Variants in NALF1 observed in about 807,000 individuals in gnomAD.
NALF1 encodes the protein NALCN channel auxiliary factor 1, also known as family with sequence similarity 155 member A.
A neutral mutation model predicts 48.4 loss-of-function variants in NALF1; 3 were observed. The observed-to-expected ratio is 0.06, with a 90% CI of 0.03 to 0.16. NALF1 has a LOEUF of 0.16. Ranked by LOEUF, NALF1 falls within the 10% of genes least tolerant of loss-of-function variation. The pLI is 1.00. For missense variants in NALF1, 526 were observed against 571.5 expected (o/e 0.92, Z 0.81); for synonymous variants, 262 against 245.7 (o/e 1.07, Z -0.62).
At chr13:107,351,732 AC>A (rs1481087149) in intron 1 of NALF1, among the ~76,000 whole-genome samples, 1 of 152,214 alleles carries the variant, frequency 6.6e-6, no homozygotes, top group Non-Finnish European at 1.5e-5. Context: ...TCCCGAATAA[AC>A]TCAACATATT....
At chr13:107,759,920 G>A (rs1049093494) in intron 1 of NALF1, among the ~76,000 whole-genome samples, 54 of 152,166 alleles carry the variant, frequency 3.5e-4, no homozygotes, top group African/African-American at 1.3e-3. Context: ...TTCAGGGTAC[G>A]TGAAACCAGA....
chr13:107,795,968 A>G (rs1878409963), intron 1 of NALF1, among the ~76,000 whole-genome samples: 1 of 152,148 alleles, frequency 6.6e-6, no homozygotes, highest in Admixed American at 6.5e-5. Context: ...ATCACAGCAG[A>G]TTGAATACTA....
Position 107,241,000 on chromosome 13 carries a change from G to A in NALF1, c.916-30245C>T, listed in dbSNP as rs577805481. ...AGGCTGAAGTGGGCAGATCACCTGA[G>A]GTCAGGAGTTTGAGACCAGCCTGGC... On this transcript the variant is annotated intron_variant, in intron 1 of 2. Transcript: ENST00000375915. Among the ~76,000 whole-genome samples the A allele has an allele frequency of 4.1e-5, 6 of 148,092 alleles. 1 individual carries two copies. The highest frequency in any genetic ancestry group is 6.8e-5 in the Admixed American group (1 of 14,704).
Position 107,451,822 on chromosome 13 carries a change from C to A in NALF1, c.916-241067G>T, listed in dbSNP as rs544242423. On this transcript the variant is annotated intron_variant, in intron 1 of 2. Coordinates refer to ENST00000375915, the MANE Select transcript of NALF1 (RefSeq NM_001080396.3). ...CTCTGATACTTCTGCTCTACTAAGA[C>A]CAGACTATCAAAGGTCGATAATAAC... 1.1e-3 allele frequency among the ~76,000 whole-genome samples: 160 copies of A among 152,286 alleles called. 1 individual carries two copies. Among genetic ancestry groups the A allele is most frequent in the African/African-American group, 3.6e-3 (150 of 41,554 alleles).
intron 1 of NALF1, among the ~76,000 whole-genome samples, chr13:107,687,606 T>G (rs1388539194): frequency 2.0e-5 from 3 of 152,012 alleles, no homozygotes; most frequent in Non-Finnish European, 4.4e-5. Flanking sequence ...TTATGTCTTA[T>G]ATATTCTTAT....
At chr13:107,731,291 A>AT (rs925309949) in intron 1 of NALF1, among the ~76,000 whole-genome samples, 18 of 152,258 alleles carry the variant, frequency 1.2e-4, no homozygotes, top group African/African-American at 4.3e-4. Context: ...CAAAAATATC[A>AT]TTTTTTACTC....
rs540941429 is a variant in NALF1, at chr13:107,683,244, T to C, written c.915+182438A>G. Among the ~76,000 whole-genome samples the C allele has an allele frequency of 2.6e-5, 4 of 152,272 alleles. No homozygotes were observed. In the South Asian group the frequency reaches 8.3e-4, roughly 32 times the overall value. ...GCCTGGGTGACAGAGTAAGAGCCTG[T>C]CTCAAATATAAATACATAAATACCA... On this transcript the variant is annotated intron_variant, in intron 1 of 2. Transcript: ENST00000375915.
intron 1 of NALF1, among the ~76,000 whole-genome samples, chr13:107,718,297 G>T (rs560508275): frequency 2.0e-5 from 3 of 152,200 alleles, no homozygotes; most frequent in African/African-American, 7.2e-5. Context: ...ATGGACTTAC[G>T]GGGAGTAGTC....
intron 1 of NALF1, among the ~76,000 whole-genome samples, chr13:107,298,375 A>AAAAAAGAC (rs1450920351): frequency 6.7e-6 from 1 of 149,736 alleles, no homozygotes; most frequent in African/African-American, 2.4e-5. Context: ...AAAAAAAAAA[A>AAAAAAGAC]AAAAAGACAA....
chr13:107,325,879 TATATATATACAC>T (rs1882349789), intron 1 of NALF1, among the ~76,000 whole-genome samples: 1 of 105,968 alleles, frequency 9.4e-6, no homozygotes, highest in African/African-American at 3.1e-5. Flanking sequence ...TATATATATA[TATATATATACAC>T]ACACACACAC....
chr13:107,267,286 T>G (rs567082499), intron 1 of NALF1, among the ~76,000 whole-genome samples: 1 of 152,124 alleles, frequency 6.6e-6, no homozygotes, highest in South Asian at 2.1e-4. Context: ...AGATACCACA[T>G]AAAATTGGAC....
intron 2 of NALF1, among the ~76,000 whole-genome samples, chr13:107,202,573 A>G (rs1005797136): frequency 2.0e-5 from 3 of 152,174 alleles, no homozygotes; most frequent in Admixed American, 2.0e-4. Flanking sequence ...AAAATTAGCC[A>G]TCTAAGCAAA....
At chr13:107,282,187 C>G (rs1403264792) in intron 1 of NALF1, among the ~76,000 whole-genome samples, 1 of 152,130 alleles carries the variant, frequency 6.6e-6, no homozygotes, top group Non-Finnish European at 1.5e-5. Flanking sequence ...GCAACCTCAT[C>G]CAAAGTTCAA....
rs772575164 is a variant in NALF1, at chr13:107,865,989, T to TC, written c.607dup (p.Asp203GlyfsTer25). The TC allele has an allele frequency of 7.4e-6, 12 of 1,610,838 alleles. No homozygotes were observed. The highest frequency in any genetic ancestry group is 1.3e-5 in the African/African-American group (1 of 74,766). On this transcript the variant is annotated frameshift_variant, in exon 1 of 3. Transcript: ENST00000375915. LOFTEE classifies it high-confidence loss of function. ...ATGCTTGCTCCTCACCTCCTGCCCG[T>TC]CCCCCCCGGCCGCCCCCCGACTCCA...
chr13:107,488,281 G>A (rs757842135), intron 1 of NALF1, among the ~76,000 whole-genome samples: 1 of 148,812 alleles, frequency 6.7e-6, no homozygotes, highest in Non-Finnish European at 1.5e-5. Context: ...CTTCAGTTCA[G>A]CTCTGATTTT....
intron 1 of NALF1, among the ~76,000 whole-genome samples, chr13:107,758,027 T>A (rs1171418801): frequency 1.3e-5 from 2 of 152,192 alleles, no homozygotes; most frequent in Admixed American, 6.5e-5. Context: ...ATTTCTTTTA[T>A]ATATCCAACT....
intron 1 of NALF1, among the ~76,000 whole-genome samples, chr13:107,347,361 A>C (rs1882792449): frequency 6.6e-6 from 1 of 152,226 alleles, no homozygotes; most frequent in Non-Finnish European, 1.5e-5. Context: ...TGCTGAAACA[A>C]GCACCCTTGG....
chr13:107,559,672 C>T (rs9555369), intron 1 of NALF1, among the ~76,000 whole-genome samples: 54,493 of 151,852 alleles, frequency 0.36, 10,304 homozygotes, highest in East Asian at 0.46. Context: ...GGCCATGTAA[C>T]GAACTATCTA....
At chr13:107,181,875 G>A (rs554197102) in intron 2 of NALF1, among the ~76,000 whole-genome samples, 68 of 151,546 alleles carry the variant, frequency 4.5e-4, no homozygotes, top group African/African-American at 1.6e-3. Flanking sequence ...TATTTGTTGA[G>A]GTTTTTGTTA....
Sources: allele counts gnomAD v4.1 joint callset (sites outside exome capture counted in the v4.1 genomes callset), GRCh38; gene constraint gnomAD v4.1.1; transcripts MANE v1.5; gene names NCBI Gene and HGNC (gene_info 2026-07-23, HGNC 2026-07-21).